BNC2: variants seen among roughly 807,000 people sequenced by gnomAD.
BNC2 encodes basonuclin zinc finger protein 2, also known as zinc finger protein basonuclin-2.
Under a neutral mutation model 76.3 loss-of-function variants are expected in BNC2, and 20 were observed. The observed-to-expected ratio is 0.26, with a 90% CI of 0.18 to 0.38. BNC2 has a LOEUF of 0.38. BNC2 is among the 10% of genes least tolerant of loss of function. The probability of loss-of-function intolerance (pLI) is 1.00; values close to 1 mark genes in which losing one functional copy is unlikely to be tolerated. For synonymous variants in BNC2, 582 were observed against 514.8 expected (o/e 1.13, Z -1.77); for missense variants, 1,382 against 1,399.8 (o/e 0.99, Z 0.20).
chr9:16,800,686 C>T (rs1195361319), intron 1 of BNC2, among the ~76,000 whole-genome samples: 2 of 152,082 alleles, frequency 1.3e-5, no homozygotes, highest in African/African-American at 4.8e-5. Flanking sequence ...ATTTTCAGTG[C>T]AAGAGATCTG....
intron 1 of BNC2, among the ~76,000 whole-genome samples, chr9:16,787,596 G>A (rs998277594): frequency 6.6e-6 from 1 of 152,102 alleles, no homozygotes; most frequent in African/African-American, 2.4e-5. Context: ...TACGGTAGTG[G>A]GCTTATTCTA....
In BNC2 at chr9:16,670,989, G is replaced by A. The variant is rs563220361; in HGVS notation, c.330+56808C>T. The stretch of plus-strand genomic sequence containing the variant: ...TCATGCTTCCTGACAACCTGAAGAC[G>A]CACATGCACAAGCCAAAAAGTGTGG... On this transcript the variant is annotated intron_variant, in intron 3 of 6. Coordinates refer to ENST00000380672, the MANE Select transcript of BNC2 (RefSeq NM_017637.6). Among the ~76,000 whole-genome samples, 99 of 152,170 alleles carry A rather than the reference G, an allele frequency of 6.5e-4. 1 individual carries two copies. In the Middle Eastern group the frequency reaches 0.014, roughly 21 times the overall value.
intron 1 of BNC2, among the ~76,000 whole-genome samples, chr9:16,781,029 A>C (rs1826138267): frequency 6.6e-6 from 1 of 151,994 alleles, no homozygotes; most frequent in African/African-American, 2.4e-5. Context: ...GAGAGAGAGA[A>C]GCTATCTCCA....
chr9:16,696,375 T>C (rs1823338493), intron 3 of BNC2, among the ~76,000 whole-genome samples: 2 of 152,198 alleles, frequency 1.3e-5, no homozygotes, highest in African/African-American at 2.4e-5. Context: ...ATTTGGACTT[T>C]CCTAACCTGA....
rs1396257953 is a variant in BNC2 at position 16,669,734 on chromosome 9, T to G, written c.330+58063A>C. 3.3e-5 allele frequency among the ~76,000 whole-genome samples: 5 copies of G among 152,282 alleles called. No individual in the cohort carries two copies. The East Asian group carries it at 9.7e-4, about 29-fold the overall frequency. ...CTTCTCTAACTGCTTAAATTATCAT[T>G]CCTATAAGCAGTACATATTTCTTTA... On this transcript the variant is annotated intron_variant, in intron 3 of 6. Coordinates refer to ENST00000380672, the MANE Select transcript of BNC2 (RefSeq NM_017637.6).
intron 3 of BNC2, among the ~76,000 whole-genome samples, chr9:16,611,984 C>T (rs1463825775): frequency 6.6e-6 from 1 of 151,830 alleles, no homozygotes; most frequent in Non-Finnish European, 1.5e-5. Context: ...AAGCACATTA[C>T]TAAATGTTTC....
At chr9:16,423,346 G>C (rs1820744868) in intron 6 of BNC2, among the ~76,000 whole-genome samples, 2 of 152,164 alleles carry the variant, frequency 1.3e-5, no homozygotes, top group Non-Finnish European at 2.9e-5. Context: ...AAGATATATG[G>C]AAGGAAGTTC....
Position 16,414,297 on chromosome 9 carries a change from T to C in BNC2, c.*4692A>G, listed in dbSNP as rs1820537286. 2 of 152,256 alleles carry C rather than the reference T, an allele frequency of 1.3e-5. No homozygotes were observed. The highest frequency in any genetic ancestry group is 6.5e-5 in the Admixed American group (1 of 15,274). 9.4% of individuals were successfully genotyped at this position (152,256 alleles called of 1,614,324 possible). A position where few individuals can be genotyped will look rare whatever the true frequency, so the allele number is the denominator to read the frequency against. On this transcript the variant is annotated 3_prime_UTR_variant, in exon 7 of 7. Transcript: ENST00000380672. The stretch of plus-strand genomic sequence containing the variant: ...CCAGTGCATTCATGATTTCCTTTTC[T>C]AGCTACCCCAAAACCAGGGCAGGAA...
chr9:16,719,749 G>A (rs1205352728), intron 3 of BNC2, among the ~76,000 whole-genome samples: 1 of 152,140 alleles, frequency 6.6e-6, no homozygotes, highest in East Asian at 1.9e-4. Context: ...TATGTATACT[G>A]CATGCTTTAA....
chr9:16,741,035 C>A (rs1824832869), intron 1 of BNC2, among the ~76,000 whole-genome samples: 1 of 152,110 alleles, frequency 6.6e-6, no homozygotes, highest in Non-Finnish European at 1.5e-5. Flanking sequence ...CAGGGTCTAA[C>A]AGGGTGCTCA....
rs1224711964 is a variant in BNC2, at chr9:16,492,445, T to C, written c.670-54921A>G. Among the ~76,000 whole-genome samples the C allele has an allele frequency of 4.6e-5, 7 of 152,358 alleles. No individual in the cohort carries two copies. The East Asian group carries it at 1.3e-3, about 29-fold the overall frequency. On this transcript the variant is annotated intron_variant, in intron 5 of 6. Coordinates refer to ENST00000380672, the MANE Select transcript of BNC2 (RefSeq NM_017637.6). ...CTTAAAACATGTAGTTTGTTTGTTTTGGTAAAGATTCACCACTTCAACTGA... is the reference window on the plus strand; with the variant it reads ...CTTAAAACATGTAGTTTGTTTGTTTCGGTAAAGATTCACCACTTCAACTGA...
intron 4 of BNC2, among the ~76,000 whole-genome samples, chr9:16,582,542 C>T (rs1040968898): frequency 2.0e-5 from 3 of 152,184 alleles, no homozygotes; most frequent in African/African-American, 7.2e-5. Context: ...CAACATTTAA[C>T]ATCTAGAAGG....
chr9:16,598,640 T>C (rs576792565), intron 3 of BNC2, among the ~76,000 whole-genome samples: 1 of 152,304 alleles, frequency 6.6e-6, no homozygotes, highest in African/African-American at 2.4e-5. Flanking sequence ...CAGGCAACGC[T>C]AGTAACATTC....
At chr9:16,751,144 G>A (rs1825179543) in intron 1 of BNC2, among the ~76,000 whole-genome samples, 1 of 150,880 alleles carries the variant, frequency 6.6e-6, no homozygotes, top group Non-Finnish European at 1.5e-5. Flanking sequence ...GTAAGCACAA[G>A]GAAAACATTT....
chr9:16,822,050 G>A (rs376229472), intron 1 of BNC2, among the ~76,000 whole-genome samples: 12 of 133,334 alleles, frequency 9.0e-5, no homozygotes, highest in Non-Finnish European at 1.4e-4. Flanking sequence ...CCGAGATCGC[G>A]CCACTGCACT....
chr9:16,777,413 G>C (rs1028331243), intron 1 of BNC2, among the ~76,000 whole-genome samples: 1 of 151,888 alleles, frequency 6.6e-6, no homozygotes, highest in Admixed American at 6.6e-5. Context: ...CATAAGAACT[G>C]TTAGGGGCTG....
rs569553768 is a variant in BNC2, at chr9:16,474,952, C to T, written c.670-37428G>A. On this transcript the variant is annotated intron_variant, in intron 5 of 6. Coordinates refer to ENST00000380672, the MANE Select transcript of BNC2 (RefSeq NM_017637.6). ...CTTCAATCAGACTTCTGTGTTCCAGCTTCAACACAGAAAGAACTACATAGA... is the reference window on the plus strand; with the variant it reads ...CTTCAATCAGACTTCTGTGTTCCAGTTTCAACACAGAAAGAACTACATAGA... Among the ~76,000 whole-genome samples the T allele has an allele frequency of 4.8e-4, 73 of 152,270 alleles. 1 individual carries two copies. In the South Asian group the frequency reaches 0.015, roughly 31 times the overall value.
intron 1 of BNC2, among the ~76,000 whole-genome samples, chr9:16,825,054 T>TC (rs1818421750): frequency 6.6e-6 from 1 of 151,658 alleles, no homozygotes; most frequent in Non-Finnish European, 1.5e-5. Flanking sequence ...CTTTTTTTTT[T>TC]CTTTCTGTAA....
In BNC2 at chr9:16,862,720, G is replaced by T. The variant is rs150319729; in HGVS notation, c.3+7926C>A. Reference sequence around the variant, plus strand: ...TAATTTGGGGGTTTTCATTGCCAGGGGAAGAGTTAAAATTATGGCCTTCAT... The same window carrying T: ...TAATTTGGGGGTTTTCATTGCCAGGTGAAGAGTTAAAATTATGGCCTTCAT... On this transcript the variant is annotated intron_variant, in intron 1 of 6. Coordinates refer to ENST00000380672, the MANE Select transcript of BNC2 (RefSeq NM_017637.6). Among the ~76,000 whole-genome samples, 1,334 of 152,048 alleles carry T rather than the reference G, an allele frequency of 8.8e-3. 25 individuals are homozygous for T. The highest frequency in any genetic ancestry group is 0.061 in the South Asian group (292 of 4,792).
Sources: allele counts gnomAD v4.1 joint callset (sites outside exome capture counted in the v4.1 genomes callset), GRCh38; gene constraint gnomAD v4.1.1; transcripts MANE v1.5; gene names NCBI Gene and HGNC (gene_info 2026-07-23, HGNC 2026-07-21).